SMG6: variants seen among roughly 807,000 people sequenced by gnomAD.
SMG6 encodes the protein telomerase-binding protein EST1A.
A neutral mutation model predicts 142.2 loss-of-function variants in SMG6; 66 were observed. That is an observed-to-expected ratio of 0.46 (90% CI 0.38 to 0.57). The LOEUF (loss-of-function observed/expected upper bound fraction) is 0.57, where lower values mean the gene tolerates loss of function less well. Among genes scored for constraint, SMG6 ranks in the 20% least tolerant of loss-of-function variants. SMG6 has a pLI of 0.00. For synonymous variants in SMG6, 779 were observed against 702.4 expected (o/e 1.11, Z -1.72); for missense variants, 1,793 against 1,832.0 (o/e 0.98, Z 0.39).
intron 8 of SMG6, among the ~76,000 whole-genome samples, chr17:2,280,236 A>G (rs1319531659): frequency 6.6e-6 from 1 of 152,140 alleles, no homozygotes; most frequent in Non-Finnish European, 1.5e-5. Flanking sequence ...CTGGATAGAT[A>G]AATGAAAAGT....
intron 13 of SMG6, among the ~76,000 whole-genome samples, chr17:2,100,311 A>G (rs1345698261): frequency 1.3e-5 from 2 of 152,056 alleles, no homozygotes; most frequent in Non-Finnish European, 2.9e-5. Flanking sequence ...GTGTTCAAGT[A>G]CAGGAGTGAG....
chr17:2,112,596 T>C (rs1273967763), intron 13 of SMG6, among the ~76,000 whole-genome samples: 1 of 150,448 alleles, frequency 6.6e-6, no homozygotes, highest in Non-Finnish European at 1.5e-5. Context: ...TCCAAGTTCT[T>C]GCATTTGAAT....
In SMG6 at chr17:2,091,989, CT is replaced by C. The variant is rs1168356792; in HGVS notation, c.3358-6089del. 1.9e-3 allele frequency among the ~76,000 whole-genome samples: 271 copies of C among 142,316 alleles called. 1 individual carries two copies. The highest frequency in any genetic ancestry group is 1.8e-3 in the East Asian group (9 of 4,896). 93.4% of individuals were successfully genotyped at this position (142,316 alleles called of 152,430 possible). On this transcript the variant is annotated intron_variant, in intron 13 of 18. Coordinates refer to ENST00000263073, the MANE Select transcript of SMG6 (RefSeq NM_017575.5). The stretch of plus-strand genomic sequence containing the variant: ...GAGCCACTGCGCCTGGCCCCTTTTT[CT>C]TTTTTTTTTTTTGAGACAGAGTCTT...
At chr17:2,096,942 C>G (rs1386392646) in intron 13 of SMG6, among the ~76,000 whole-genome samples, 3 of 152,160 alleles carry the variant, frequency 2.0e-5, no homozygotes, top group African/African-American at 4.8e-5. Context: ...CCCTCAACAT[C>G]TGCACTACTT....
chr17:2,206,273 T>C (rs1358033454), intron 10 of SMG6, among the ~76,000 whole-genome samples: 2 of 152,102 alleles, frequency 1.3e-5, no homozygotes, highest in East Asian at 1.9e-4. Flanking sequence ...TACATATTCA[T>C]AGATACATGG....
At chr17:2,146,616 C>T (rs1340848906) in intron 13 of SMG6, among the ~76,000 whole-genome samples, 1 of 152,188 alleles carries the variant, frequency 6.6e-6, no homozygotes, top group African/African-American at 2.4e-5. Context: ...TCTCAGCTCA[C>T]TGCAACCTCC....
chr17:2,262,074 GA>G (rs985243421), intron 8 of SMG6, among the ~76,000 whole-genome samples: 4 of 151,926 alleles, frequency 2.6e-5, no homozygotes, highest in Non-Finnish European at 4.4e-5. Context: ...TCTTTATCAA[GA>G]AAAAAAATCC....
At chr17:2,112,925 T>C (rs1342438835) in intron 13 of SMG6, among the ~76,000 whole-genome samples, 2 of 151,842 alleles carry the variant, frequency 1.3e-5, no homozygotes, top group African/African-American at 2.4e-5. Context: ...GCCTGACTAA[T>C]TTTTGTATTT....
chr17:2,090,923 T>C (rs1038909915), intron 13 of SMG6, among the ~76,000 whole-genome samples: 2 of 152,180 alleles, frequency 1.3e-5, no homozygotes, highest in African/African-American at 4.8e-5. Flanking sequence ...TAAGAAACCT[T>C]AAAATAGCCT....
intron 15 of SMG6, among the ~76,000 whole-genome samples, chr17:2,069,683 C>T (rs1012697238): frequency 4.8e-4 from 73 of 152,180 alleles, no homozygotes; most frequent in African/African-American, 1.5e-3. Flanking sequence ...GCTAATAATA[C>T]GAAATTCTCC....
chr17:2,262,783 C>T (rs1260426617), intron 8 of SMG6, among the ~76,000 whole-genome samples: 2 of 152,100 alleles, frequency 1.3e-5, no homozygotes, highest in Non-Finnish European at 2.9e-5. Flanking sequence ...GGACCAACAT[C>T]ACTTACTTTT....
chr17:2,198,348 C>T (rs1365706160), intron 10 of SMG6, among the ~76,000 whole-genome samples: 3 of 152,090 alleles, frequency 2.0e-5, no homozygotes, highest in Admixed American at 6.5e-5. Flanking sequence ...GGCTGAAAGG[C>T]GGTAGGGATG....
rs928475474 is a variant in SMG6, at chr17:2,300,330, G to T, written c.423C>A (p.Pro141=). ...GTCCAGGCTGATAGATCTGCAGGTC[G>T]GGTTTCTTTGTTCTTTTGATAATTT... ...SLKIIKRTKK[P]DLQIYQPGRR... The change falls in exon 2 of 19, where the codon CCC becomes CCA. Residue 141 remains proline (P), a synonymous_variant. Transcript: ENST00000263073. 1 of 1,613,848 alleles carries T rather than the reference G, an allele frequency of 6.2e-7. No homozygotes were observed. The highest frequency in any genetic ancestry group is 8.5e-7 in the Non-Finnish European group (1 of 1,180,028).
intron 13 of SMG6, among the ~76,000 whole-genome samples, chr17:2,141,768 GTC>G (rs1251744597): frequency 6.6e-6 from 1 of 152,168 alleles, no homozygotes; most frequent in African/African-American, 2.4e-5. Context: ...TATAGTGACT[GTC>G]TCATAATAGA....
At position 2,061,363 on chromosome 17, in the gene SMG6, T is replaced by A. The variant is rs1597309262; in HGVS notation, c.*129A>T. 2.2e-6 allele frequency: 2 copies of A among 921,490 alleles called. No individual in the cohort carries two copies. The highest frequency in any genetic ancestry group is 5.5e-5 in the East Asian group (2 of 36,426). 57.1% of individuals were successfully genotyped at this position (921,490 alleles called of 1,614,324 possible). A position where few individuals can be genotyped will look rare whatever the true frequency, so the allele number is the denominator to read the frequency against. ...CCCCACAGCATGGCCGTGGCGTGGG[T>A]TGGAAGAGGATGGTTTATTGTCTGG... is the stretch of plus-strand genomic sequence containing the variant. On this transcript the variant is annotated 3_prime_UTR_variant, in exon 19 of 19. Coordinates refer to ENST00000263073, the MANE Select transcript of SMG6 (RefSeq NM_017575.5).
chr17:2,073,331 G>A (rs937371447), intron 15 of SMG6, among the ~76,000 whole-genome samples: 6 of 151,978 alleles, frequency 3.9e-5, no homozygotes, highest in African/African-American at 1.4e-4. Flanking sequence ...TGATCCGCCC[G>A]CCTCGGTCCC....
rs910925913 is a variant in SMG6 at position 2,172,732 on chromosome 17, G to A, written c.3283C>T (p.Arg1095Trp). The change falls in exon 13 of 19, where the codon CGG becomes TGG. Residue 1095 changes from arginine (R) to tryptophan (W), a missense_variant. This residue lies in a region of SMG6 where 1,597 missense variants were observed against 1,584.6 expected (regional missense o/e 1.01). Transcript: ENST00000263073. ...AAGGGGACAAAGCCCGAGAGAAGCCGATCCTCTTCCAGGATAAGAAGGGTG... is the reference window on the plus strand; with the variant it reads ...AAGGGGACAAAGCCCGAGAGAAGCCAATCCTCTTCCAGGATAAGAAGGGTG... ...DLTLLILEED[R>W]LLSGFVPLLA... is the part of the protein sequence containing the mutation. 18 of 1,614,022 alleles carry A rather than the reference G, an allele frequency of 1.1e-5. No homozygotes were observed. The highest frequency in any genetic ancestry group is 1.4e-5 in the Non-Finnish European group (16 of 1,180,028).
chr17:2,172,983 A>T (rs151236089), intron 12 of SMG6, 124 bp from the exon 13 acceptor site: 1 of 897,746 alleles, frequency 1.1e-6, no homozygotes, highest in Non-Finnish European at 1.7e-6. Flanking sequence ...TCTGCCAGGA[A>T]ATCATACCCC....
Position 2,144,926 on chromosome 17 carries a change from T to C in SMG6, c.3357+27732A>G, listed in dbSNP as rs1275742612. On this transcript the variant is annotated intron_variant, in intron 13 of 18. Coordinates refer to ENST00000263073, the MANE Select transcript of SMG6 (RefSeq NM_017575.5). The stretch of plus-strand genomic sequence containing the variant: ...CCGCTCACCATAGTCCAAGCAGTTT[T>C]TAGTGAGTAAGCCCAAAGCTTCCAG... Among the ~76,000 whole-genome samples, 6 of 152,056 alleles carry C rather than the reference T, an allele frequency of 3.9e-5. No individual in the cohort carries two copies. The East Asian group carries it at 1.2e-3, about 29-fold the overall frequency.
Sources: gnomAD v4.1 joint callset for allele counts (sites outside exome capture counted in the v4.1 genomes callset) on GRCh38, gnomAD v4.1.1 for gene constraint, gnomAD v4.1.1 regional missense constraint, MANE v1.5 for transcripts, NCBI Gene and HGNC (gene_info 2026-07-23, HGNC 2026-07-21) for gene names.